TMSB4Y: variants seen among roughly 807,000 people sequenced by gnomAD.
TMSB4Y encodes thymosin beta 4 Y-linked.
A neutral mutation model predicts 1.0 loss-of-function variants in TMSB4Y; 2 were observed. The ratio of observed to expected loss-of-function variants is 2.00; its 90% confidence interval spans 0.82 to 6.31. TMSB4Y has a LOEUF of 6.31. Among genes scored for constraint, TMSB4Y ranks in the 30% most tolerant of loss-of-function variants. TMSB4Y has a pLI of 0.05. For synonymous variants in TMSB4Y, 7 were observed against 3.6 expected (o/e 1.96, Z -1.08); for missense variants, 12 against 9.1 (o/e 1.31, Z -0.41).
intron 1 of TMSB4Y, 89 bp from the exon 2 acceptor site, chrY:13,705,136 C>T: frequency 3.9e-6 from 1 of 259,303 alleles, no homozygotes; most frequent in Non-Finnish European, 6.2e-6. Context: ...ACTGAAACCC[C>T]TTAATCATCC....
Position 13,705,390 on chromosome Y carries a change from G to C in TMSB4Y, c.*131G>C. ...TTTGAAAGGACTATGCTGCCCTTTT[G>C]ACATCAAAGACCTGCTGACAATGGA... On this transcript the variant is annotated 3_prime_UTR_variant, in exon 2 of 2. Coordinates refer to ENST00000284856, the MANE Select transcript of TMSB4Y (RefSeq NM_004202.3). 7.3e-6 allele frequency: 1 copy of C among 137,733 alleles called. No individual in the cohort carries two copies. The highest frequency in any genetic ancestry group is 1.3e-5 in the Non-Finnish European group (1 of 76,955). The allele number at this position is 137,733 out of a possible 400,897, so 34.4% of individuals were successfully genotyped here.
Position 13,706,002 on chromosome Y carries a change from A to T in TMSB4Y, c.*743A>T, listed in dbSNP as rs2079761317. 1.4e-4 allele frequency: 5 copies of T among 34,573 alleles called. No homozygotes were observed. 8.6% of individuals were successfully genotyped at this position (34,573 alleles called of 400,897 possible). ...TTACAAACTTAAGACGTAAGTGTGCAATAAAGTAAGCTAAGAAGAAAATAT... is the reference window on the plus strand; with the variant it reads ...TTACAAACTTAAGACGTAAGTGTGCTATAAAGTAAGCTAAGAAGAAAATAT... On this transcript the variant is annotated 3_prime_UTR_variant, in exon 2 of 2. Coordinates refer to ENST00000284856, the MANE Select transcript of TMSB4Y (RefSeq NM_004202.3).
Sources: allele counts gnomAD v4.1 joint callset, GRCh38; gene constraint gnomAD v4.1.1; transcripts MANE v1.5; gene names NCBI Gene and HGNC (gene_info 2026-07-23, HGNC 2026-07-21).